ENTPD2: variants seen among roughly 807,000 people sequenced by gnomAD.
ENTPD2 encodes ectonucleoside triphosphate diphosphohydrolase 2, also known as CD39 antigen-like 1.
In ENTPD2, 48 loss-of-function variants were observed where a neutral mutation model predicts 46.8. That is an observed-to-expected ratio of 1.03 (90% CI 0.81 to 1.30). The LOEUF (loss-of-function observed/expected upper bound fraction) is 1.30. Ranked by LOEUF, ENTPD2 falls within the 50% of genes most tolerant of loss-of-function variation. ENTPD2 has a pLI of 0.00. For missense variants in ENTPD2, 707 were observed against 651.1 expected, an observed-to-expected ratio of 1.09 and a Z score of -0.93; for synonymous variants, 316 against 286.1, an observed-to-expected ratio of 1.10 and a Z score of -1.06.
At position 137,048,678 on chromosome 9, in the gene ENTPD2, G is replaced by C; in HGVS notation, c.1467C>G (p.Ala489=). ...LVLLLRQVHS[A]KLPSTI ...GCCCCTAAATGGTGCTTGGCAGCTT[G>C]GCGGAGTGCACCTGACGCAGCAGCA... is the stretch of plus-strand genomic sequence containing the variant. The change falls in exon 9 of 9, where the codon GCC becomes GCG. Residue 489 remains alanine, a synonymous_variant. Coordinates refer to ENST00000355097, the MANE Select transcript of ENTPD2 (RefSeq NM_203468.3). 1 of 1,600,252 alleles carries C rather than the reference G, an allele frequency of 6.2e-7. No individual in the cohort carries two copies. Among genetic ancestry groups the C allele is most frequent in the Non-Finnish European group, 8.5e-7 (1 of 1,174,636 alleles).
chr9:137,050,022 C>A (rs770109270), intron 6 of ENTPD2, 33 bp from the exon 7 acceptor site: 3 of 1,599,386 alleles, frequency 1.9e-6, no homozygotes, highest in Admixed American at 1.7e-5. Flanking sequence ...GTGACCGAAC[C>A]CCAGCGGCTC....
At position 137,051,512 on chromosome 9, in the gene ENTPD2, G is replaced by T; in HGVS notation, c.384C>A (p.Leu128=). The change falls in exon 3 of 9, where the codon CTC becomes CTA. Residue 128 remains leucine (L), a splice_region_variant and synonymous_variant. Coordinates refer to ENST00000355097, the MANE Select transcript of ENTPD2 (RefSeq NM_203468.3). The part of the protein sequence containing the change: ...YLGATAGMRL[L]NLTNPEASTS... ...GGCCAGGGCACAGGCACACTCACTTGAGCAGGCGCATACCCGCTGTGGCTC... is the reference window on the plus strand; with the variant it reads ...GGCCAGGGCACAGGCACACTCACTTTAGCAGGCGCATACCCGCTGTGGCTC... 1 of 1,594,678 alleles carries T rather than the reference G, an allele frequency of 6.3e-7. No homozygotes were observed. Among genetic ancestry groups the T allele is most frequent in the South Asian group, 1.1e-5 (1 of 88,210 alleles).
chr9:137,053,686 A>C (rs1433662136), intron 1 of ENTPD2, among the ~76,000 whole-genome samples, 195 bp downstream of exon 1: 1 of 151,704 alleles, frequency 6.6e-6, no homozygotes, highest in East Asian at 1.9e-4. Flanking sequence ...TGGAAGCGCC[A>C]CCGCCCCCCG....
At chr9:137,052,492 G>A (rs888050787) in intron 1 of ENTPD2, 144 bp from the exon 2 acceptor site, 3 of 643,320 alleles carry the variant, frequency 4.7e-6, no homozygotes, top group African/African-American at 3.7e-5. Context: ...AAGCTCAGAG[G>A]AGGCCAGGGC....
At chr9:137,052,139 T>C in intron 2 of ENTPD2, 92 bp downstream of exon 2, 2 of 1,163,788 alleles carry the variant, frequency 1.7e-6, no homozygotes, top group Non-Finnish European at 2.5e-6. Flanking sequence ...CACCCAACAC[T>C]AAGCAGAAGG....
intron 7 of ENTPD2, 37 bp from the exon 8 acceptor site, chr9:137,049,112 A>G (rs1832205974): frequency 1.3e-6 from 2 of 1,531,454 alleles, no homozygotes; most frequent in Admixed American, 2.0e-5. Flanking sequence ...GCAGGCGACC[A>G]CCAGGAGGTC....
At position 137,052,386 on chromosome 9, in the gene ENTPD2, G is replaced by A. The variant is rs200817157; in HGVS notation, c.118-38C>T. ...GGGAGGGAGTCAGCCTGGGGTGTCC[G>A]GGGGCCCTGACACCCTGACACCAAA... On this transcript the variant is annotated intron_variant, in intron 1 of 8. Coordinates refer to ENST00000355097, the MANE Select transcript of ENTPD2 (RefSeq NM_203468.3). The A allele has an allele frequency of 8.6e-5, 120 of 1,398,992 alleles. 1 individual carries two copies. In the East Asian group the frequency reaches 1.6e-3, roughly 19 times the overall value. The allele number at this position is 1,398,992 out of a possible 1,614,324, so 86.7% of individuals were successfully genotyped here.
At position 137,048,415 on chromosome 9, in the gene ENTPD2, A is replaced by C; in HGVS notation, c.*242T>G. 2.3e-6 allele frequency: 1 copy of C among 427,682 alleles called. No homozygotes were observed. 26.5% of individuals were successfully genotyped at this position (427,682 alleles called of 1,614,324 possible). A position where few individuals can be genotyped will look rare whatever the true frequency, so the allele number is the denominator to read the frequency against. On this transcript the variant is annotated 3_prime_UTR_variant, in exon 9 of 9. Coordinates refer to ENST00000355097, the MANE Select transcript of ENTPD2 (RefSeq NM_203468.3). ...CAGTTCCTATTTCCTGGGCTGCCTT[A>C]GGGGCAGAGACGCTGAGGGTGGGGT...
intron 7 of ENTPD2, 193 bp from the exon 8 acceptor site, chr9:137,049,268 C>T: frequency 1.1e-6 from 1 of 938,436 alleles, no homozygotes. Flanking sequence ...GGCACGCTTC[C>T]ATCCCTCCCC....
chr9:137,052,390 G>C, intron 1 of ENTPD2, 42 bp from the exon 2 acceptor site: 1 of 1,397,536 alleles, frequency 7.2e-7, no homozygotes, highest in Non-Finnish European at 1.0e-6. Context: ...GTGTCCGGGG[G>C]CCCTGACACC....
At position 137,049,885 on chromosome 9, in the gene ENTPD2, G is replaced by C. The variant is rs777276731; in HGVS notation, c.1134C>G (p.Asn378Lys). 1 of 1,611,608 alleles carries C rather than the reference G, an allele frequency of 6.2e-7. No individual in the cohort carries two copies. The stretch of plus-strand genomic sequence containing the variant: ...CGGGGCTCACCTGAGCCCAGGTCTG[G>C]TTGCAGACATTCACTGCGGCTGCCT... Reference protein sequence around the residue: ...QLEAAAVNVCNQTWAQLQARV... With the variant: ...QLEAAAVNVCKQTWAQLQARV... Residue 378 changes from asparagine (N) to lysine (K), a missense_variant, in exon 7 of 9, where the codon AAC (asparagine) becomes AAG (lysine). By Grantham distance (94) the Asn-to-Lys change is moderately conservative. Transcript: ENST00000355097.
At chr9:137,052,378 G>T in intron 1 of ENTPD2, 30 bp from the exon 2 acceptor site, 1 of 1,420,408 alleles carries the variant, frequency 7.0e-7, no homozygotes, top group East Asian at 2.4e-5. Flanking sequence ...AGTCAGCCTG[G>T]GGTGTCCGGG....
chr9:137,051,131 T>C lies in ENTPD2; in HGVS notation c.547-2A>G, dbSNP rs1374450471. ...GAACCACCGGCCCACCCAGCCGTAC[T>C]GTGGAGAGGGGAGTGTGGGGTCAAC... On this transcript the variant is annotated splice_acceptor_variant, in intron 4 of 8. Coordinates refer to ENST00000355097, the MANE Select transcript of ENTPD2 (RefSeq NM_203468.3). LOFTEE classifies it high-confidence loss of function. The C allele has an allele frequency of 1.2e-6, 2 of 1,612,652 alleles. No individual in the cohort carries two copies. Among genetic ancestry groups the C allele is most frequent in the Non-Finnish European group, 1.7e-6 (2 of 1,179,954 alleles).
In ENTPD2 at chr9:137,050,441, TGG is replaced by T. The variant is rs1460720674; in HGVS notation, c.870_871del (p.Gln291GlufsTer15). ...GACCCTGGCACTGCTGTTGAAGTTCTGGGGCCGCTGGGCCATGGTGCATGGTG... is the reference window on the plus strand; with the variant it reads ...GACCCTGGCACTGCTGTTGAAGTTCTGGCCGCTGGGCCATGGTGCATGGTG... On this transcript the variant is annotated frameshift_variant, in exon 6 of 9. Transcript: ENST00000355097. LOFTEE classifies it high-confidence loss of function. The T allele has an allele frequency of 7.4e-6, 12 of 1,612,796 alleles. No individual in the cohort carries two copies. Among genetic ancestry groups the T allele is most frequent in the Non-Finnish European group, 1.0e-5 (12 of 1,180,010 alleles).
intron 1 of ENTPD2, chr9:137,053,246 C>G (rs377679246): frequency 1.3e-5 from 2 of 152,434 alleles, no homozygotes; most frequent in Non-Finnish European, 2.9e-5. Flanking sequence ...ACCCCACCCC[C>G]CTACAAGCCC....
chr9:137,052,531 A>C, intron 1 of ENTPD2, 183 bp from the exon 2 acceptor site: 2 of 530,454 alleles, frequency 3.8e-6, no homozygotes, highest in Non-Finnish European at 3.4e-6. Flanking sequence ...TGGAAGGAGA[A>C]CAGGGAGGTG....
chr9:137,052,350 T>TG lies in ENTPD2; in HGVS notation c.118-3dup, dbSNP rs765375045. On this transcript the variant is annotated splice_polypyrimidine_tract_variant and splice_region_variant and intron_variant, in intron 1 of 8. Coordinates refer to ENST00000355097, the MANE Select transcript of ENTPD2 (RefSeq NM_203468.3). Reference sequence around the variant, plus strand: ...ACCAGCGTCCAGGACGATGCCATACTGCGGGGGAGGGGGAGGGAGTCAGCC... The same window carrying TG: ...ACCAGCGTCCAGGACGATGCCATACTGGCGGGGGAGGGGGAGGGAGTCAGCC... The TG allele has an allele frequency of 2.2e-5, 15 of 691,206 alleles. No individual in the cohort carries two copies. Among genetic ancestry groups the TG allele is most frequent in the East Asian group, 9.9e-5 (2 of 20,300 alleles). 42.8% of individuals were successfully genotyped at this position (691,206 alleles called of 1,614,324 possible). A position where few individuals can be genotyped will look rare whatever the true frequency, so the allele number is the denominator to read the frequency against.
chr9:137,050,867 C>T, intron 5 of ENTPD2, 35 bp downstream of exon 5: 1 of 1,597,780 alleles, frequency 6.3e-7, no homozygotes, highest in Non-Finnish European at 8.5e-7. Flanking sequence ...CAGGAGGGAA[C>T]AGTGCAGTGC....
Position 137,050,380 on chromosome 9 carries a change from T to C in ENTPD2, c.933A>G (p.Arg311=), listed in dbSNP as rs778992568. The change falls in exon 6 of 9, where the codon CGA becomes CGG. Residue 311 remains arginine (R), a synonymous_variant. Coordinates refer to ENST00000355097, the MANE Select transcript of ENTPD2 (RefSeq NM_203468.3). ...LSGSSDPHLC[R]DLVSGLFSFS... ...AGCTGAAGAGCCCAGAAACCAGATC[T>C]CGGCAGAGGTGGGGGTCACTGCTCC... 4.3e-6 allele frequency: 7 copies of C among 1,612,862 alleles called. No individual in the cohort carries two copies. The highest frequency in any genetic ancestry group is 4.5e-5 in the East Asian group (2 of 44,870).
Sources: gnomAD v4.1 joint callset for allele counts (sites outside exome capture counted in the v4.1 genomes callset) on GRCh38, gnomAD v4.1.1 for gene constraint, MANE v1.5 for transcripts, NCBI Gene and HGNC (gene_info 2026-07-23, HGNC 2026-07-21) for gene names.